The following RNF34 variants were observed in gnomAD, a reference collection of about 807,000 sequenced individuals.
RNF34 encodes the protein E3 ubiquitin-protein ligase RNF34.
A neutral mutation model predicts 37.9 loss-of-function variants in RNF34; 12 were observed. That is an observed-to-expected ratio of 0.32 (90% CI 0.20 to 0.51). The LOEUF is 0.51. RNF34 is among the 20% of genes least tolerant of loss of function. The probability of loss-of-function intolerance (pLI) is 0.97; values close to 1 mark genes in which losing one functional copy is unlikely to be tolerated. For missense variants in RNF34, 362 were observed against 472.7 expected, an observed-to-expected ratio of 0.77 and a Z score of 2.17; for synonymous variants, 155 against 177.2, an observed-to-expected ratio of 0.87 and a Z score of 1.00.
In RNF34 at chr12:121,405,496, CTTTT is replaced by C. The variant is rs1369979812; in HGVS notation, c.6+5280_6+5283del. Reference sequence around the variant, plus strand: ...CCATTTGTCTTCTTGCTTTTTTTTTCTTTTTGAGACAGGGTCTTGCTCTGTCACC... The same window carrying C: ...CCATTTGTCTTCTTGCTTTTTTTTTCTGAGACAGGGTCTTGCTCTGTCACC... On this transcript the variant is annotated intron_variant, in intron 1 of 5. Transcript: ENST00000361234. Among the ~76,000 whole-genome samples the C allele has an allele frequency of 5.3e-5, 8 of 151,216 alleles. No individual in the cohort carries two copies. In the East Asian group the frequency reaches 1.5e-3, roughly 29 times the overall value.
intron 1 of RNF34, among the ~76,000 whole-genome samples, chr12:121,415,037 A>C (rs976056572): frequency 2.6e-5 from 4 of 152,156 alleles, no homozygotes; most frequent in Non-Finnish European, 5.9e-5. Flanking sequence ...CGGACGTTGC[A>C]GTGAGCCGAG....
chr12:121,420,166 C>T, intron 3 of RNF34, 76 bp from the exon 4 acceptor site: 3 of 1,298,874 alleles, frequency 2.3e-6, no homozygotes, highest in Non-Finnish European at 3.3e-6. Flanking sequence ...TCATGGGGAG[C>T]ATCAATGACA....
Position 121,417,537 on chromosome 12 carries a change from TCC to T in RNF34, c.260_261del (p.Ser87CysfsTer11). ...VCCDCKKDFCSVCSVLQENLR... is the reference protein window; with the variant it reads ...VCCDCKKDFCXVCSVLQENLR... ...CTGTGACTGCAAGAAGGATTTTTGC[TCC>T]GTTTGTTCAGTCTTACAAGAAAATC... On this transcript the variant is annotated frameshift_variant, in exon 3 of 6. Coordinates refer to ENST00000361234, the MANE Select transcript of RNF34 (RefSeq NM_025126.4). LOFTEE classifies it high-confidence loss of function. The surrounding 1 kb of genome is among the most constrained non-coding windows in gnomAD (Gnocchi z 5.0). 6.2e-7 allele frequency: 1 copy of T among 1,613,524 alleles called. No homozygotes were observed. Among genetic ancestry groups the T allele is most frequent in the Non-Finnish European group, 8.5e-7 (1 of 1,179,528 alleles).
intron 1 of RNF34, among the ~76,000 whole-genome samples, chr12:121,415,475 A>C (rs1871474578): frequency 6.6e-6 from 1 of 151,742 alleles, no homozygotes; most frequent in South Asian, 2.1e-4. Flanking sequence ...AAATTAGCCA[A>C]GTGTGTGGCG....
At chr12:121,414,953 GGGCAT>G (rs1871415918) in intron 1 of RNF34, among the ~76,000 whole-genome samples, 1 of 152,218 alleles carries the variant, frequency 6.6e-6, no homozygotes, top group South Asian at 2.1e-4. Context: ...AAAATTAGCT[GGGCAT>G]GGTGGCGGAT....
intron 1 of RNF34, among the ~76,000 whole-genome samples, chr12:121,412,626 G>A (rs1219315883): frequency 4.0e-5 from 6 of 151,734 alleles, no homozygotes; most frequent in African/African-American, 1.2e-4. Context: ...TGATCCACCC[G>A]CCTTGGCCTC....
chr12:121,420,654 C>T lies in RNF34; in HGVS notation c.804C>T (p.Ser268=). The change falls in exon 5 of 6, where the codon AGC becomes AGT. Residue 268 remains serine (S), a synonymous_variant. Transcript: ENST00000361234. ...LSSLDDVEGM[S]VRQLKEILAR... is the part of the protein sequence containing the mutation. ...GCCTTGATGATGTGGAAGGAATGAG[C>T]GTGCGCCAGCTGAAGGAAATTCTGG... is the stretch of plus-strand genomic sequence containing the variant. 2 of 1,614,054 alleles carry T rather than the reference C, an allele frequency of 1.2e-6. No homozygotes were observed. The highest frequency in any genetic ancestry group is 1.1e-5 in the South Asian group (1 of 91,080).
chr12:121,412,599 G>A (rs1056424555), intron 1 of RNF34, among the ~76,000 whole-genome samples: 1 of 151,870 alleles, frequency 6.6e-6, no homozygotes, highest in Middle Eastern at 3.4e-3. Flanking sequence ...GTCCAGTCTC[G>A]AACTCCTGAC....
In RNF34 at chr12:121,416,139, G is replaced by T; in HGVS notation, c.7-20G>T. ...AGATTCCACTTAGCTTTAAACTGTG[G>T]GATTTGTGTTCCTTTTTAGGCGGGT... On this transcript the variant is annotated intron_variant, in intron 1 of 5. Transcript: ENST00000361234. The T allele has an allele frequency of 6.2e-7, 1 of 1,605,584 alleles. No homozygotes were observed. Among genetic ancestry groups the T allele is most frequent in the Non-Finnish European group, 8.5e-7 (1 of 1,172,852 alleles).
chr12:121,417,612 C>T lies in RNF34; in HGVS notation c.334C>T (p.Arg112Cys), dbSNP rs782463794. The T allele has an allele frequency of 5.6e-6, 9 of 1,614,156 alleles. No individual in the cohort carries two copies. The highest frequency in any genetic ancestry group is 1.1e-5 in the South Asian group (1 of 91,088). ...CHLLQETAFQRPQLMRLKVKD... is the reference protein window; with the variant it reads ...CHLLQETAFQCPQLMRLKVKD... ...CTTATTACAAGAGACAGCATTTCAG[C>T]GCCCTCAGTTAATGCGACTGAAGGT... The change falls in exon 3 of 6, where the codon CGC becomes TGC. Residue 112 changes from arginine to cysteine, a missense_variant. Physicochemically the swap from Arg to Cys is radical, Grantham distance 180. Coordinates refer to ENST00000361234, the MANE Select transcript of RNF34 (RefSeq NM_025126.4). The surrounding 1 kb of genome is among the most constrained non-coding windows in gnomAD (Gnocchi z 5.0).
chr12:121,404,638 C>T (rs1397912444), intron 1 of RNF34, among the ~76,000 whole-genome samples: 1 of 151,974 alleles, frequency 6.6e-6, no homozygotes, highest in Non-Finnish European at 1.5e-5. Context: ...TGATTCTGGC[C>T]TCCTAAAGTG....
In RNF34 at chr12:121,418,000, A is replaced by AAGTT; in HGVS notation, c.633+89_633+90insAGTT. Reference sequence around the variant, plus strand: ...GGCCTTTAGTGCTTGATGACTTCTGATAAACTTCAAGTCATGTGCTGGAGT... The same window carrying AAGTT: ...GGCCTTTAGTGCTTGATGACTTCTGAAGTTTAAACTTCAAGTCATGTGCTGGAGT... On this transcript the variant is annotated intron_variant, in intron 3 of 5. Transcript: ENST00000361234. The surrounding 1 kb of genome is among the most constrained non-coding windows in gnomAD (Gnocchi z 5.0). The AAGTT allele has an allele frequency of 7.4e-7, 1 of 1,345,120 alleles. No individual in the cohort carries two copies. The highest frequency in any genetic ancestry group is 1.5e-5 in the African/African-American group (1 of 68,366). 83.3% of individuals were successfully genotyped at this position (1,345,120 alleles called of 1,614,324 possible). A position where few individuals can be genotyped will look rare whatever the true frequency, so the allele number is the denominator to read the frequency against.
intron 1 of RNF34, among the ~76,000 whole-genome samples, chr12:121,403,440 G>C (rs1870197746): frequency 6.6e-6 from 1 of 150,932 alleles, no homozygotes; most frequent in African/African-American, 2.4e-5. Context: ...TAAAGATTTT[G>C]CTTTTTTATC....
Position 121,420,625 on chromosome 12 carries a change from T to C in RNF34, c.775T>C (p.Ser259Pro). 6.2e-7 allele frequency: 1 copy of C among 1,614,158 alleles called. No individual in the cohort carries two copies. Among genetic ancestry groups the C allele is most frequent in the Non-Finnish European group, 8.5e-7 (1 of 1,180,024 alleles). ...ERVRASLSDL[S>P]SLDDVEGMSV... is the part of the protein sequence containing the mutation. Reference sequence around the variant, plus strand: ...AGTGAGAGCTTCACTGTCTGACTTGTCAAGCCTTGATGATGTGGAAGGAAT... The same window carrying C: ...AGTGAGAGCTTCACTGTCTGACTTGCCAAGCCTTGATGATGTGGAAGGAAT... The change falls in exon 5 of 6, where the codon TCA becomes CCA. Residue 259 changes from serine (S) to proline (P), a missense_variant. Ser to Pro is a moderately conservative substitution (Grantham distance 74, BLOSUM62 -1). Coordinates refer to ENST00000361234, the MANE Select transcript of RNF34 (RefSeq NM_025126.4).
Position 121,420,658 on chromosome 12 carries a change from C to T in RNF34, c.808C>T (p.Arg270Cys). 1 of 1,614,014 alleles carries T rather than the reference C, an allele frequency of 6.2e-7. No homozygotes were observed. The highest frequency in any genetic ancestry group is 1.1e-5 in the South Asian group (1 of 91,076). Residue 270 changes from arginine to cysteine, a missense_variant, in exon 5 of 6, where the codon CGC (arginine) becomes TGC (cysteine). Physicochemically the swap from Arg to Cys is radical, Grantham distance 180. Coordinates refer to ENST00000361234, the MANE Select transcript of RNF34 (RefSeq NM_025126.4). ...TGATGATGTGGAAGGAATGAGCGTG[C>T]GCCAGCTGAAGGAAATTCTGGCTCG... ...SLDDVEGMSV[R>C]QLKEILARNF...
chr12:121,416,070 C>T, intron 1 of RNF34, 89 bp from the exon 2 acceptor site: 1 of 1,056,158 alleles, frequency 9.5e-7, no homozygotes, highest in Non-Finnish European at 1.4e-6. Context: ...TGAGGGCAAA[C>T]TTACCTCTCC....
chr12:121,407,186 A>G (rs1420772528), intron 1 of RNF34, among the ~76,000 whole-genome samples: 1 of 152,176 alleles, frequency 6.6e-6, no homozygotes, highest in Non-Finnish European at 1.5e-5. Flanking sequence ...GCTGCCAACT[A>G]AGGTCCCCAA....
Position 121,420,624 on chromosome 12 carries a change from G to A in RNF34, c.774G>A (p.Leu258=). ...KERVRASLSD[L]SSLDDVEGMS... Reference sequence around the variant, plus strand: ...GAGTGAGAGCTTCACTGTCTGACTTGTCAAGCCTTGATGATGTGGAAGGAA... The same window carrying A: ...GAGTGAGAGCTTCACTGTCTGACTTATCAAGCCTTGATGATGTGGAAGGAA... Residue 258 remains leucine, a synonymous_variant, in exon 5 of 6, where the codon TTG becomes TTA. Transcript: ENST00000361234. 6.2e-7 allele frequency: 1 copy of A among 1,614,186 alleles called. No individual in the cohort carries two copies. The highest frequency in any genetic ancestry group is 2.2e-5 in the East Asian group (1 of 44,890).
In RNF34 at chr12:121,423,341, T is replaced by C; in HGVS notation, c.929-45T>C. On this transcript the variant is annotated intron_variant, in intron 5 of 5. Coordinates refer to ENST00000361234, the MANE Select transcript of RNF34 (RefSeq NM_025126.4). The surrounding 1 kb of genome is among the most constrained non-coding windows in gnomAD (Gnocchi z 4.3). The stretch of plus-strand genomic sequence containing the variant: ...CGGACTGGGAGGGTGGCTGGCTGAC[T>C]GGCCATGCCTGAAGCCGAGGCCTTA... 1.3e-6 allele frequency: 2 copies of C among 1,491,404 alleles called. No homozygotes were observed. The highest frequency in any genetic ancestry group is 1.8e-6 in the Non-Finnish European group (2 of 1,102,708). The allele number at this position is 1,491,404 out of a possible 1,614,324, so 92.4% of individuals were successfully genotyped here.
Sources: gnomAD v4.1 joint callset for allele counts (sites outside exome capture counted in the v4.1 genomes callset) on GRCh38, gnomAD v4.1.1 for gene constraint, Gnocchi (gnomAD v3.1) non-coding constraint, MANE v1.5 for transcripts, NCBI Gene and HGNC (gene_info 2026-07-23, HGNC 2026-07-21) for gene names.